MED13: variants seen among roughly 807,000 people sequenced by gnomAD.
MED13 encodes mediator complex subunit 13.
A neutral mutation model predicts 225.2 loss-of-function variants in MED13; 23 were observed. The observed-to-expected ratio is 0.10, with a 90% confidence interval of 0.07 to 0.14. MED13 has a LOEUF of 0.14. MED13 is among the 10% of genes least tolerant of loss of function. The pLI is 1.00. For synonymous variants in MED13, 942 were observed against 889.2 expected, an observed-to-expected ratio of 1.06 and a Z score of -1.06; for missense variants, 2,197 against 2,594.5, an observed-to-expected ratio of 0.85 and a Z score of 3.33.
At chr17:62,000,749 A>C (rs1279848323) in intron 9 of MED13, among the ~76,000 whole-genome samples, 1 of 151,942 alleles carries the variant, frequency 6.6e-6, no homozygotes, top group African/African-American at 2.4e-5. Context: ...AAGGTGTATC[A>C]ATAGTTTTGT....
rs184069209 is a variant in MED13 at position 61,952,679 on chromosome 17, G to A, written c.6117+286C>T. On this transcript the variant is annotated intron_variant, in intron 27 of 29. Coordinates refer to ENST00000397786, the MANE Select transcript of MED13 (RefSeq NM_005121.3). ...ATTTCATATATTAATCCATTACTAA[G>A]TTAAGGAATGGCAATTGGATGATCT... is the stretch of plus-strand genomic sequence containing the variant. Among the ~76,000 whole-genome samples, 3 of 152,278 alleles carry A rather than the reference G, an allele frequency of 2.0e-5. No individual in the cohort carries two copies. In the East Asian group the frequency reaches 5.8e-4, roughly 29 times the overall value.
At chr17:62,011,973 T>A (rs1420776643) in intron 8 of MED13, among the ~76,000 whole-genome samples, 1 of 152,060 alleles carries the variant, frequency 6.6e-6, no homozygotes, top group Non-Finnish European at 1.5e-5. Flanking sequence ...TCCCAGCACT[T>A]TGGGAGGATG....
chr17:61,981,036 T>A (rs1192279893), intron 16 of MED13, among the ~76,000 whole-genome samples: 2 of 142,468 alleles, frequency 1.4e-5, no homozygotes, highest in Non-Finnish European at 3.0e-5. Flanking sequence ...TTTTTTTTTC[T>A]TTTAGATGGG....
chr17:62,049,062 A>G (rs1393260260), intron 3 of MED13, among the ~76,000 whole-genome samples: 3 of 148,452 alleles, frequency 2.0e-5, no homozygotes, highest in East Asian at 2.0e-4. Context: ...GGGCACCACC[A>G]TAACAGTAAA....
At chr17:62,008,079 A>C (rs1316220145) in intron 9 of MED13, among the ~76,000 whole-genome samples, 1 of 147,578 alleles carries the variant, frequency 6.8e-6, no homozygotes, top group Non-Finnish European at 1.5e-5. Context: ...GCACTTTGGG[A>C]GGCCGGGGCG....
At chr17:62,038,472 A>T (rs1280174603) in intron 3 of MED13, among the ~76,000 whole-genome samples, 2 of 152,182 alleles carry the variant, frequency 1.3e-5, no homozygotes, top group Non-Finnish European at 2.9e-5. Flanking sequence ...AAAAGATTTT[A>T]AAAATTATTT....
At position 61,991,077 on chromosome 17, in the gene MED13, C is replaced by CGTGT. The variant is rs550725806; in HGVS notation, c.2263+1462_2263+1463insACAC. Among the ~76,000 whole-genome samples, 111 of 152,260 alleles carry CGTGT rather than the reference C, an allele frequency of 7.3e-4. 1 individual carries two copies. The highest frequency in any genetic ancestry group is 6.2e-3 in the Admixed American group (95 of 15,296). Reference sequence around the variant, plus strand: ...CTCCTATTTATTCTATGTCACAACACAATCATAGTTGAGCTTATTCTAAAT... The same window carrying CGTGT: ...CTCCTATTTATTCTATGTCACAACACGTGTAATCATAGTTGAGCTTATTCTAAAT... On this transcript the variant is annotated intron_variant, in intron 11 of 29. Transcript: ENST00000397786.
rs766440156 is a variant in MED13, at chr17:61,953,052, A to G, written c.6030T>C (p.Asp2010=). ...LLDTGDDLDP[D]IINILPASPT... ...GAGAAGCAGGAAGGATATTAATGAT[A>G]TCAGGGTCAAGATCATCTCCTGTGT... The change falls in exon 27 of 30, where the codon GAT becomes GAC. Residue 2010 remains aspartate (D), a synonymous_variant. Coordinates refer to ENST00000397786, the MANE Select transcript of MED13 (RefSeq NM_005121.3). The G allele has an allele frequency of 2.5e-6, 4 of 1,613,690 alleles. No individual in the cohort carries two copies. The African/African-American group carries it at 5.3e-5, about 22-fold the overall frequency.
At chr17:62,010,422 C>A in intron 9 of MED13, 128 bp downstream of exon 9, 2 of 564,638 alleles carry the variant, frequency 3.5e-6, no homozygotes, top group Admixed American at 4.2e-5. Context: ...AGGAATAATG[C>A]AAAGTTAATA....
intron 8 of MED13, among the ~76,000 whole-genome samples, chr17:62,021,731 T>C (rs2080649634): frequency 6.6e-6 from 1 of 152,238 alleles, no homozygotes; most frequent in Admixed American, 6.5e-5. Context: ...ATTTTCTATA[T>C]GCAAAAAGTG....
intron 17 of MED13, 42 bp downstream of exon 17, chr17:61,972,685 T>C: frequency 6.7e-7 from 1 of 1,494,592 alleles, no homozygotes; most frequent in Non-Finnish European, 9.0e-7. Flanking sequence ...ATCTGAGGAC[T>C]GATATAAAAT....
chr17:62,029,178 T>C (rs1332424014), intron 8 of MED13: 3 of 172,148 alleles, frequency 1.7e-5, no homozygotes, highest in Non-Finnish European at 2.4e-5. Context: ...GAAAGAACTC[T>C]TGGGATAAAT....
At chr17:61,975,139 TA>T (rs200864641) in intron 16 of MED13, among the ~76,000 whole-genome samples, 424 of 138,450 alleles carry the variant, frequency 3.1e-3, no homozygotes, top group Middle Eastern at 3.7e-3. Flanking sequence ...CCCCGTATCT[TA>T]AAAAAAAAAA....
At chr17:62,039,226 AT>A (rs1439535615) in intron 3 of MED13, among the ~76,000 whole-genome samples, 2 of 152,188 alleles carry the variant, frequency 1.3e-5, no homozygotes, top group Non-Finnish European at 2.9e-5. Flanking sequence ...GTCTGATCTT[AT>A]TGTAACATTC....
In MED13 at chr17:61,942,682, C is replaced by A. The variant is rs1011277672; in HGVS notation, c.*3786G>T. On this transcript the variant is annotated 3_prime_UTR_variant, in exon 30 of 30. Transcript: ENST00000397786. ...TTTTTTTTTTTTTAAAAAGTATAAA[C>A]CTTTTCATTTCCTCAATCACAATTT... The A allele has an allele frequency of 6.7e-6, 1 of 150,284 alleles. No homozygotes were observed. Among genetic ancestry groups the A allele is most frequent in the Non-Finnish European group, 1.5e-5 (1 of 67,576 alleles). The allele number at this position is 150,284 out of a possible 1,614,324, so 9.3% of individuals were successfully genotyped here.
Position 62,033,936 on chromosome 17 carries a change from A to G in MED13, c.665T>C (p.Phe222Ser). ...TTTTGTAGCTGAATCAGACATCTTG[A>G]ATGCCTGTCCTGTGAGAGTGCCATT... is the stretch of plus-strand genomic sequence containing the variant. ...GLNGTLTGQA[F>S]KMSDSATKKL... Residue 222 changes from phenylalanine (F) to serine (S), a missense_variant, in exon 5 of 30, where the codon TTC (phenylalanine) becomes TCC (serine). Physicochemically the swap from Phe to Ser is radical, Grantham distance 155. Around this residue, in one of 12 missense-constraint regions of MED13, gnomAD observed 884 missense variants for 918.5 expected, o/e 0.96. Transcript: ENST00000397786. 1 of 1,614,116 alleles carries G rather than the reference A, an allele frequency of 6.2e-7. No individual in the cohort carries two copies. The highest frequency in any genetic ancestry group is 8.5e-7 in the Non-Finnish European group (1 of 1,180,008).
Position 61,945,628 on chromosome 17 carries a change from A to G in MED13, c.*840T>C, listed in dbSNP as rs938891289. Reference sequence around the variant, plus strand: ...AACCACCTAACAATACCACTTGTATATTGCCATCATGTTATTCTGTAAAGA... The same window carrying G: ...AACCACCTAACAATACCACTTGTATGTTGCCATCATGTTATTCTGTAAAGA... On this transcript the variant is annotated 3_prime_UTR_variant, in exon 30 of 30. Transcript: ENST00000397786. 1 of 152,628 alleles carries G rather than the reference A, an allele frequency of 6.6e-6. No homozygotes were observed. The allele number at this position is 152,628 out of a possible 1,614,324, so 9.5% of individuals were successfully genotyped here. A position where few individuals can be genotyped will look rare whatever the true frequency, so the allele number is the denominator to read the frequency against.
Position 62,010,601 on chromosome 17 carries a change from T to C in MED13, c.1916A>G (p.Lys639Arg), listed in dbSNP as rs765692991. 18 of 1,495,148 alleles carry C rather than the reference T, an allele frequency of 1.2e-5. No homozygotes were observed. The highest frequency in any genetic ancestry group is 1.5e-5 in the Non-Finnish European group (17 of 1,121,768). The allele number at this position is 1,495,148 out of a possible 1,614,324, so 92.6% of individuals were successfully genotyped here. A position where few individuals can be genotyped will look rare whatever the true frequency, so the allele number is the denominator to read the frequency against. Residue 639 changes from lysine to arginine, a missense_variant, in exon 9 of 30, where the codon AAG becomes AGG. Lys to Arg is a conservative substitution (Grantham distance 26). Transcript: ENST00000397786. ...TCCAAAAGGTCCAACTGGATCATCC[T>C]TGAATTTATCACTTGGAAGTTGAGG... ...LPPQLPSDKF[K>R]DDPVGPFGQE...
intron 17 of MED13, among the ~76,000 whole-genome samples, chr17:61,969,526 A>G (rs2080088660): frequency 1.3e-5 from 2 of 152,082 alleles, no homozygotes; most frequent in South Asian, 4.1e-4. Flanking sequence ...TTTAAAAATA[A>G]TATAATTTAA....
Sources: allele counts gnomAD v4.1 joint callset (sites outside exome capture counted in the v4.1 genomes callset), GRCh38; gene constraint gnomAD v4.1.1; regional missense constraint gnomAD v4.1.1; transcripts MANE v1.5; gene names NCBI Gene and HGNC (gene_info 2026-07-23, HGNC 2026-07-21).